The following PACRG variants were observed in gnomAD, a reference collection of about 807,000 sequenced individuals.
PACRG encodes the protein parkin coregulated.
A neutral mutation model predicts 29.7 loss-of-function variants in PACRG; 29 were observed. That is an observed-to-expected ratio of 0.98 (90% CI 0.73 to 1.33). The LOEUF is 1.33. Among genes scored for constraint, PACRG ranks in the 40% most tolerant of loss-of-function variants. The probability of loss-of-function intolerance (pLI) is 0.00; values close to 1 mark genes in which losing one functional copy is unlikely to be tolerated. For synonymous variants in PACRG, 116 were observed against 118.7 expected, an observed-to-expected ratio of 0.98 and a Z score of 0.15; for missense variants, 279 against 316.2, an observed-to-expected ratio of 0.88 and a Z score of 0.89.
intron 2 of PACRG, among the ~76,000 whole-genome samples, chr6:162,828,721 T>C (rs182738559): frequency 1.3e-5 from 2 of 152,324 alleles, no homozygotes; most frequent in African/African-American, 2.4e-5. Context: ...GTGTAGGCTA[T>C]TTGGTAATAT....
intron 4 of PACRG, among the ~76,000 whole-genome samples, chr6:163,131,647 A>C (rs1275014917): frequency 1.1e-5 from 1 of 88,996 alleles, no homozygotes; most frequent in African/African-American, 2.8e-5. Context: ...AGCTGTAAGA[A>C]ACTAACATGG....
intron 2 of PACRG, chr6:163,044,642 C>T (rs1036616579): frequency 1.1e-4 from 16 of 152,164 alleles, no homozygotes; most frequent in African/African-American, 3.6e-4. Flanking sequence ...TTATCATCGT[C>T]ACTTACAAAG....
At chr6:163,163,479 C>T (rs945269892) in intron 4 of PACRG, among the ~76,000 whole-genome samples, 4 of 152,290 alleles carry the variant, frequency 2.6e-5, no homozygotes, top group Admixed American at 6.5e-5. Flanking sequence ...GCCATGTTGG[C>T]CAGGCTGGTC....
chr6:163,013,518 C>G (rs181753628), intron 2 of PACRG, among the ~76,000 whole-genome samples: 10 of 150,694 alleles, frequency 6.6e-5, no homozygotes, highest in Non-Finnish European at 1.0e-4. Context: ...CTGAAGTTAC[C>G]CTCAGATATA....
At chr6:162,784,341 TCATCTTATCTTA>T (rs1784301694) in intron 1 of PACRG, among the ~76,000 whole-genome samples, 2 of 152,128 alleles carry the variant, frequency 1.3e-5, no homozygotes, top group Non-Finnish European at 2.9e-5. Flanking sequence ...CAGCCCATGG[TCATCTTATCTTA>T]ATTTCTCGAT....
intron 2 of PACRG, among the ~76,000 whole-genome samples, chr6:162,990,750 C>A (rs1803383597): frequency 7.2e-6 from 1 of 138,828 alleles, no homozygotes. Context: ...TAATTAGATC[C>A]CATTTGTCAA....
At chr6:163,081,535 T>G (rs1813073653) in intron 3 of PACRG, among the ~76,000 whole-genome samples, 1 of 152,158 alleles carries the variant, frequency 6.6e-6, no homozygotes, top group African/African-American at 2.4e-5. Context: ...GGAGGGCAGA[T>G]CACTTGAACC....
In PACRG at chr6:162,940,650, C is replaced by T. The variant is rs185852404; in HGVS notation, c.292-121500C>T. 3.6e-4 allele frequency among the ~76,000 whole-genome samples: 55 copies of T among 152,262 alleles called. 1 individual carries two copies. The East Asian group carries it at 6.6e-3, about 18-fold the overall frequency. ...CACGTGAAGCTCTCCCGCTCTGCTC[C>T]GTGCCTGGACCGGCTGCTGCTGTCA... On this transcript the variant is annotated intron_variant, in intron 2 of 4. Transcript: ENST00000366888.
chr6:163,010,499 T>C (rs1192959135), intron 2 of PACRG, among the ~76,000 whole-genome samples: 3 of 152,162 alleles, frequency 2.0e-5, no homozygotes, highest in East Asian at 1.9e-4. Context: ...GGCTCCTTTA[T>C]AGACGGGCCC....
chr6:163,083,822 T>TA (rs1342017130), intron 3 of PACRG, among the ~76,000 whole-genome samples: 1 of 152,130 alleles, frequency 6.6e-6, no homozygotes, highest in African/African-American at 2.4e-5. Flanking sequence ...TTTCTTGTTT[T>TA]AAAAGAAGAA....
At chr6:162,899,347 G>T (rs912145876) in intron 2 of PACRG, among the ~76,000 whole-genome samples, 8 of 152,238 alleles carry the variant, frequency 5.3e-5, no homozygotes, top group South Asian at 2.1e-4. Flanking sequence ...GAAACCACGG[G>T]GGGAAAGCAG....
intron 2 of PACRG, among the ~76,000 whole-genome samples, chr6:162,929,270 C>T (rs150616565): frequency 1.0e-3 from 154 of 152,056 alleles, no homozygotes; most frequent in South Asian, 4.2e-3. Context: ...ACATTCCCAC[C>T]GGCATCCTTA....
chr6:163,160,004 G>A (rs1778490525), intron 4 of PACRG, among the ~76,000 whole-genome samples: 2 of 152,102 alleles, frequency 1.3e-5, no homozygotes, highest in Non-Finnish European at 2.9e-5. Flanking sequence ...TCAGGTGTTG[G>A]TTAGCACTTC....
chr6:163,192,004 G>C, intron 4 of PACRG: 2 of 285,998 alleles, frequency 7.0e-6, no homozygotes, highest in South Asian at 6.5e-5. Context: ...ATTGATTTCA[G>C]TTAATTCAGT....
At position 163,314,908 on chromosome 6, in the gene PACRG, T is replaced by G; in HGVS notation, c.695T>G (p.Phe232Cys). Reference sequence around the variant, plus strand: ...TTGATCCAGGAGACACTGGAGGCCTTCGAGCGCTACGGAGGAGAAAATGCC... The same window carrying G: ...TTGATCCAGGAGACACTGGAGGCCTGCGAGCGCTACGGAGGAGAAAATGCC... ...GDLIQETLEA[F>C]ERYGGENAFI... The change falls in exon 5 of 5, where the codon TTC becomes TGC. Residue 232 changes from phenylalanine (F) to cysteine (C), a missense_variant. Transcript: ENST00000366888. 1 of 1,614,202 alleles carries G rather than the reference T, an allele frequency of 6.2e-7. No homozygotes were observed. Among genetic ancestry groups the G allele is most frequent in the Non-Finnish European group, 8.5e-7 (1 of 1,180,036 alleles).
At chr6:163,091,535 C>T (rs1321296161) in intron 4 of PACRG, among the ~76,000 whole-genome samples, 4 of 152,164 alleles carry the variant, frequency 2.6e-5, no homozygotes, top group Non-Finnish European at 5.9e-5. Flanking sequence ...TTCTGCTTAA[C>T]ATTTTTCTGA....
chr6:162,736,401 T>A, intron 1 of PACRG, among the ~76,000 whole-genome samples: 1 of 151,902 alleles, frequency 6.6e-6, no homozygotes, highest in African/African-American at 2.4e-5. Context: ...TGTATATATT[T>A]TAGTTATTGT....
At chr6:162,805,062 C>T (rs1786204626) in intron 1 of PACRG, among the ~76,000 whole-genome samples, 1 of 152,116 alleles carries the variant, frequency 6.6e-6, no homozygotes, top group Non-Finnish European at 1.5e-5. Context: ...GTATCTTAAA[C>T]ATATCTAAAG....
intron 4 of PACRG, among the ~76,000 whole-genome samples, chr6:163,147,725 T>A (rs542842767): frequency 5.3e-5 from 8 of 152,202 alleles, no homozygotes; most frequent in Non-Finnish European, 1.2e-4. Flanking sequence ...CCTTCCATAA[T>A]ATGGGAGTTT....
Sources: gnomAD v4.1 joint callset for allele counts (sites outside exome capture counted in the v4.1 genomes callset) on GRCh38, gnomAD v4.1.1 for gene constraint, MANE v1.5 for transcripts, NCBI Gene and HGNC (gene_info 2026-07-23, HGNC 2026-07-21) for gene names.